The following VDAC2 variants were observed in gnomAD, a reference collection of about 807,000 sequenced individuals.
VDAC2 encodes the protein non-selective voltage-gated ion channel VDAC2.
Under a neutral mutation model 36.6 loss-of-function variants are expected in VDAC2, and 6 were observed. That is an observed-to-expected ratio of 0.16 (90% CI 0.09 to 0.32). The LOEUF (loss-of-function observed/expected upper bound fraction) is 0.32. Among genes scored for constraint, VDAC2 ranks in the 10% least tolerant of loss-of-function variants. The pLI is 1.00. For missense variants in VDAC2, 247 were observed against 346.0 expected, an observed-to-expected ratio of 0.71 and a Z score of 2.27; for synonymous variants, 109 against 123.8, an observed-to-expected ratio of 0.88 and a Z score of 0.79.
At chr10:75,213,370 G>A (rs542800520) in intron 3 of VDAC2, among the ~76,000 whole-genome samples, 6 of 152,196 alleles carry the variant, frequency 3.9e-5, no homozygotes, top group African/African-American at 7.2e-5. Flanking sequence ...GTGGGCCACC[G>A]CACCTGGCCA....
intron 8 of VDAC2, among the ~76,000 whole-genome samples, chr10:75,227,576 A>AGTTTTTTTTTTTTTTTTTTTTTTTTTTTT (rs1841989654): frequency 2.2e-5 from 2 of 90,768 alleles, no homozygotes; most frequent in African/African-American, 1.1e-4. Context: ...AAATAATAGG[A>AGTTTTTTTTTTTTTTTTTTTTTTTTTTTT]ATTTTTTTTT....
rs555370695 is a variant in VDAC2 at position 75,212,273 on chromosome 10, C to T, written c.75C>T (p.Ala25=). 6.2e-7 allele frequency: 1 copy of T among 1,613,370 alleles called. No homozygotes were observed. The highest frequency in any genetic ancestry group is 1.7e-5 in the Admixed American group (1 of 59,846). The change falls in exon 3 of 10, where the codon GCC becomes GCT. Residue 25 remains alanine, a synonymous_variant. Transcript: ENST00000332211. ...CATATGCTGACCTTGGCAAAGCTGCCAGAGATATTTTCAACAAAGGATTTG... is the reference window on the plus strand; with the variant it reads ...CATATGCTGACCTTGGCAAAGCTGCTAGAGATATTTTCAACAAAGGATTTG... ...PPSYADLGKA[A]RDIFNKGFGF...
chr10:75,219,005 G>A (rs746678146), intron 4 of VDAC2, 58 bp from the exon 5 acceptor site: 37 of 1,545,520 alleles, frequency 2.4e-5, no homozygotes, highest in Non-Finnish European at 2.8e-5. Context: ...CGTGTGTAAG[G>A]CAGTGATGAA....
At chr10:75,228,901 G>C (rs1272651619) in intron 8 of VDAC2, among the ~76,000 whole-genome samples, 1 of 152,198 alleles carries the variant, frequency 6.6e-6, no homozygotes, top group Non-Finnish European at 1.5e-5. Flanking sequence ...GAGCTAGAAA[G>C]AATCTACTCT....
intron 8 of VDAC2, among the ~76,000 whole-genome samples, chr10:75,225,460 G>A (rs1841928054): frequency 6.6e-6 from 1 of 152,188 alleles, no homozygotes; most frequent in Non-Finnish European, 1.5e-5. Context: ...CTGATACAAA[G>A]TTGTTTGGCA....
intron 8 of VDAC2, among the ~76,000 whole-genome samples, chr10:75,224,207 T>C: frequency 6.6e-6 from 1 of 152,178 alleles, no homozygotes; most frequent in Admixed American, 6.5e-5. Context: ...ATCTGATGTC[T>C]CCAGGTAGAA....
In VDAC2 at chr10:75,212,241, C is replaced by T. The variant is rs749096407; in HGVS notation, c.43C>T (p.Pro15Ser). ...GQTCARPMCIPPSYADLGKAA... is the reference protein window; with the variant it reads ...GQTCARPMCISPSYADLGKAA... ...TTTTTTTCTACCAGCAATGTGTATTCCTCCATCATATGCTGACCTTGGCAA... is the reference window on the plus strand; with the variant it reads ...TTTTTTTCTACCAGCAATGTGTATTTCTCCATCATATGCTGACCTTGGCAA... The change falls in exon 3 of 10, where the codon CCT becomes TCT. Residue 15 changes from proline (P) to serine (S), a missense_variant. This residue lies in a region of VDAC2 where 76 missense variants were observed against 76.9 expected (regional missense o/e 0.99). Coordinates refer to ENST00000332211, the MANE Select transcript of VDAC2 (RefSeq NM_001391963.1). The T allele has an allele frequency of 6.8e-6, 11 of 1,613,482 alleles. No homozygotes were observed. In the East Asian group the frequency reaches 1.6e-4, roughly 23 times the overall value.
At chr10:75,214,501 T>G (rs1032943273) in intron 4 of VDAC2, among the ~76,000 whole-genome samples, 3 of 152,198 alleles carry the variant, frequency 2.0e-5, no homozygotes, top group African/African-American at 7.2e-5. Context: ...TCCACATGTA[T>G]TTTATGAGTT....
intron 8 of VDAC2, among the ~76,000 whole-genome samples, chr10:75,224,490 G>T (rs1332502099): frequency 6.6e-6 from 1 of 152,076 alleles, no homozygotes; most frequent in Non-Finnish European, 1.5e-5. Context: ...GTGGTCAGAT[G>T]GTCACCCCTG....
intron 7 of VDAC2, among the ~76,000 whole-genome samples, chr10:75,221,498 A>G (rs975128322): frequency 4.6e-5 from 7 of 151,988 alleles, no homozygotes; most frequent in Non-Finnish European, 8.8e-5. Flanking sequence ...ATGCCTGGCT[A>G]ATTTTTGTAT....
intron 8 of VDAC2, among the ~76,000 whole-genome samples, chr10:75,222,992 T>C (rs1841859411): frequency 2.6e-5 from 4 of 151,252 alleles, no homozygotes; most frequent in Non-Finnish European, 5.9e-5. Flanking sequence ...TTTTTTTTTT[T>C]TTTCTTTTTT....
chr10:75,212,565 C>T (rs776928095), intron 3 of VDAC2, among the ~76,000 whole-genome samples: 3 of 152,122 alleles, frequency 2.0e-5, no homozygotes, highest in South Asian at 4.1e-4. Context: ...ACTACAGGCA[C>T]GCTCTGCCAC....
chr10:75,226,317 C>CA (rs1231835090), intron 8 of VDAC2, among the ~76,000 whole-genome samples: 2 of 152,012 alleles, frequency 1.3e-5, no homozygotes, highest in African/African-American at 4.8e-5. Flanking sequence ...GTTCCTGGCT[C>CA]ACAGCTTCTA....
chr10:75,229,491 T>C, intron 8 of VDAC2, 153 bp from the exon 9 acceptor site: 1 of 554,718 alleles, frequency 1.8e-6, no homozygotes, highest in Non-Finnish European at 3.1e-6. Context: ...AATTAAATAG[T>C]ACCTGGTTTG....
rs1564709505 is a variant in VDAC2 at position 75,214,055 on chromosome 10, G to A, written c.135G>A (p.Lys45=). 1 of 1,613,282 alleles carries A rather than the reference G, an allele frequency of 6.2e-7. No homozygotes were observed. The highest frequency in any genetic ancestry group is 8.5e-7 in the Non-Finnish European group (1 of 1,179,502). The part of the protein sequence containing the change: ...FGLVKLDVKT[K]SCSGVEFSTS... ...TGGTGAAACTGGATGTGAAAACAAAGTCTTGCAGTGGCGTGGTGAGTGTTA... is the reference window on the plus strand; with the variant it reads ...TGGTGAAACTGGATGTGAAAACAAAATCTTGCAGTGGCGTGGTGAGTGTTA... The change falls in exon 4 of 10, where the codon AAG becomes AAA. Residue 45 remains lysine (K), a synonymous_variant. Coordinates refer to ENST00000332211, the MANE Select transcript of VDAC2 (RefSeq NM_001391963.1).
chr10:75,211,745 T>C (rs183476295), intron 2 of VDAC2: 2 of 1,480,292 alleles, frequency 1.4e-6, no homozygotes, highest in Non-Finnish European at 9.2e-7. Context: ...AGTTTCAATA[T>C]TTAAATTCCC....
chr10:75,219,394 G>T lies in VDAC2; in HGVS notation c.356+38G>T, dbSNP rs747786724. Reference sequence around the variant, plus strand: ...ATTTTTATCTGTATTACATTTAAAAGTATTTCTCTTTTGTATATTTAGAAA... The same window carrying T: ...ATTTTTATCTGTATTACATTTAAAATTATTTCTCTTTTGTATATTTAGAAA... On this transcript the variant is annotated intron_variant, in intron 6 of 9. Coordinates refer to ENST00000332211, the MANE Select transcript of VDAC2 (RefSeq NM_001391963.1). 4 of 1,499,210 alleles carry T rather than the reference G, an allele frequency of 2.7e-6. No individual in the cohort carries two copies. In the African/African-American group the frequency reaches 5.6e-5, roughly 21 times the overall value. The allele number at this position is 1,499,210 out of a possible 1,614,324, so 92.9% of individuals were successfully genotyped here.
chr10:75,210,364 G>T (rs1044471175), upstream of VDAC2, among the ~76,000 whole-genome samples: 1 of 152,214 alleles, frequency 6.6e-6, no homozygotes, highest in Non-Finnish European at 1.5e-5. Flanking sequence ...CTGACTCCCC[G>T]CAGGCACCCT....
chr10:75,211,614 G>A (rs1322973447), intron 2 of VDAC2: 3 of 1,550,564 alleles, frequency 1.9e-6, no homozygotes, highest in Non-Finnish European at 2.6e-6. Flanking sequence ...CAGATTGCCT[G>A]CCCTTAAGCA....
Sources: allele counts gnomAD v4.1 joint callset (sites outside exome capture counted in the v4.1 genomes callset), GRCh38; gene constraint gnomAD v4.1.1; regional missense constraint gnomAD v4.1.1; transcripts MANE v1.5; gene names NCBI Gene and HGNC (gene_info 2026-07-23, HGNC 2026-07-21).